The following DBN1 variants were observed in gnomAD, a reference collection of about 807,000 sequenced individuals.
The protein encoded by DBN1 is drebrin 1, also known as drebrin.
A neutral mutation model predicts 83.5 loss-of-function variants in DBN1; 21 were observed. The ratio of observed to expected loss-of-function variants is 0.25; its 90% CI spans 0.18 to 0.36. DBN1 has a LOEUF of 0.36. Ranked by LOEUF, DBN1 falls within the 10% of genes least tolerant of loss-of-function variation. The pLI is 1.00. For synonymous variants in DBN1, 381 were observed against 384.9 expected (o/e 0.99, Z 0.12); for missense variants, 874 against 935.7 (o/e 0.93, Z 0.86).
At chr5:177,471,919 C>G (rs2127404965) in intron 1 of DBN1, among the ~76,000 whole-genome samples, 1 of 152,134 alleles carries the variant, frequency 6.6e-6, no homozygotes, top group South Asian at 2.1e-4. Context: ...CCCCTCCAGG[C>G]TGGAGGGCAA....
At position 177,467,493 on chromosome 5, in the gene DBN1, G is replaced by T; in HGVS notation, c.465C>A (p.Asn155Lys). The change falls in exon 5 of 15, where the codon AAC becomes AAA. Residue 155 changes from asparagine to lysine, a missense_variant. By Grantham distance (94) the Asn-to-Lys change is moderately conservative (BLOSUM62 0). Coordinates refer to ENST00000393565, the MANE Select transcript of DBN1 (RefSeq NM_001363541.2). The surrounding 1 kb of genome is among the most constrained non-coding windows in gnomAD (Gnocchi z 9.1). The part of the protein sequence containing the change: ...LHRLRLREDE[N>K]AEPVGTTYQK... Reference sequence around the variant, plus strand: ...AACACACACTAACCACGGGCTCTGCGTTCTCATCCTCTCGCAGCCGCAGTC... The same window carrying T: ...AACACACACTAACCACGGGCTCTGCTTTCTCATCCTCTCGCAGCCGCAGTC... The T allele has an allele frequency of 1.9e-6, 3 of 1,590,174 alleles. No homozygotes were observed. The highest frequency in any genetic ancestry group is 2.2e-5 in the South Asian group (2 of 89,374).
At position 177,459,271 on chromosome 5, in the gene DBN1, G is replaced by A; in HGVS notation, c.1094-3C>T. 6.2e-7 allele frequency: 1 copy of A among 1,605,098 alleles called. No homozygotes were observed. The highest frequency in any genetic ancestry group is 8.5e-7 in the Non-Finnish European group (1 of 1,179,022). On this transcript the variant is annotated splice_region_variant and splice_polypyrimidine_tract_variant and intron_variant, in intron 11 of 14. Coordinates refer to ENST00000393565, the MANE Select transcript of DBN1 (RefSeq NM_001363541.2). ...CCGGTGGCTGTCCAGGTGGCTGCCT[G>A]TGGAACAAACCCCAGGTGGGTCAGT... is the stretch of plus-strand genomic sequence containing the variant.
At chr5:177,472,241 A>T in intron 1 of DBN1, 1 of 1,613,062 alleles carries the variant, frequency 6.2e-7, no homozygotes. Context: ...CCCCCAGGTC[A>T]GAGTCCCCAC....
rs1190156220 is a variant in DBN1, at chr5:177,466,030, G to A, written c.771+742C>T. Among the ~76,000 whole-genome samples the A allele has an allele frequency of 6.6e-6, 1 of 152,140 alleles. No individual in the cohort carries two copies. The highest frequency in any genetic ancestry group is 2.4e-5 in the African/African-American group (1 of 41,422). On this transcript the variant is annotated intron_variant, in intron 8 of 14. Transcript: ENST00000393565. The surrounding 1 kb of genome is among the most constrained non-coding windows in gnomAD (Gnocchi z 4.8). ...CCATCCAAGGGCAGATGTGACTGGA[G>A]TGACTTAATGCTGCTGCCTGCAGGA... is the stretch of plus-strand genomic sequence containing the variant.
At chr5:177,472,717 C>A (rs1046151841) in intron 1 of DBN1, 127 of 879,136 alleles carry the variant, frequency 1.4e-4, no homozygotes, top group Non-Finnish European at 1.7e-4. Flanking sequence ...CAGCTCGGTG[C>A]CCCCCAGCCC....
rs1243981634 is a variant in DBN1 at position 177,459,255 on chromosome 5, G to T, written c.1107C>A (p.Asp369Glu). ...LSSSLPCSHLDSHRRMAPTPI... is the reference protein window; with the variant it reads ...LSSSLPCSHLESHRRMAPTPI... Reference sequence around the variant, plus strand: ...GAGTGGGCGCCATCCTCCGGTGGCTGTCCAGGTGGCTGCCTGTGGAACAAA... The same window carrying T: ...GAGTGGGCGCCATCCTCCGGTGGCTTTCCAGGTGGCTGCCTGTGGAACAAA... The change falls in exon 12 of 15, where the codon GAC becomes GAA. Residue 369 changes from aspartate (D) to glutamate (E), a missense_variant. By Grantham distance (45) the Asp-to-Glu change is conservative. Coordinates refer to ENST00000393565, the MANE Select transcript of DBN1 (RefSeq NM_001363541.2). 1.2e-6 allele frequency: 2 copies of T among 1,607,722 alleles called. No homozygotes were observed. Among genetic ancestry groups the T allele is most frequent in the Non-Finnish European group, 8.5e-7 (1 of 1,179,054 alleles).
rs779769714 is a variant in DBN1 at position 177,458,669 on chromosome 5, T to G, written c.1303A>C (p.Thr435Pro). ...EPSPILDSEETRAAAPQAWAG... is the reference protein window; with the variant it reads ...EPSPILDSEEPRAAAPQAWAG... ...CAGGCCTGAGGGGCTGCTGCTCTGG[T>G]CTCCTCACTGTCTAGGATGGGGCTG... The change falls in exon 13 of 15, where the codon ACC becomes CCC. Residue 435 changes from threonine to proline, a missense_variant. By Grantham distance (38) the Thr-to-Pro change is conservative (BLOSUM62 -1). Transcript: ENST00000393565. 9 of 1,569,288 alleles carry G rather than the reference T, an allele frequency of 5.7e-6. No homozygotes were observed. The African/African-American group carries it at 1.1e-4, about 19-fold the overall frequency.
rs1196138680 is a variant in DBN1, at chr5:177,456,783, T to A, written c.*650A>T. The A allele has an allele frequency of 7.0e-6, 1 of 142,314 alleles. No homozygotes were observed. Among genetic ancestry groups the A allele is most frequent in the Non-Finnish European group, 1.5e-5 (1 of 66,422 alleles). 8.8% of individuals were successfully genotyped at this position (142,314 alleles called of 1,614,324 possible). A position where few individuals can be genotyped will look rare whatever the true frequency, so the allele number is the denominator to read the frequency against. On this transcript the variant is annotated 3_prime_UTR_variant, in exon 15 of 15. Coordinates refer to ENST00000393565, the MANE Select transcript of DBN1 (RefSeq NM_001363541.2). ...CACCAAAGCCCCTGGGCCCCATCCA[T>A]AGCCCTGACCTGAACCGCGCCTAGG...
Position 177,459,402 on chromosome 5 carries a change from G to A in DBN1, c.1094-134C>T, listed in dbSNP as rs1319745824. 11 of 1,441,950 alleles carry A rather than the reference G, an allele frequency of 7.6e-6. No individual in the cohort carries two copies. The East Asian group carries it at 2.8e-4, about 37-fold the overall frequency. 89.3% of individuals were successfully genotyped at this position (1,441,950 alleles called of 1,614,324 possible). The stretch of plus-strand genomic sequence containing the variant: ...CTGGGAGCTCTCCAGCCCCACCAGG[G>A]GCCAGACTACAGCTCCAGACCCTGT... On this transcript the variant is annotated intron_variant, in intron 11 of 14. Transcript: ENST00000393565.
In DBN1 at chr5:177,467,572, A is replaced by G; in HGVS notation, c.386T>C (p.Ile129Thr). 6.4e-7 allele frequency: 1 copy of G among 1,566,872 alleles called. No homozygotes were observed. Among genetic ancestry groups the G allele is most frequent in the Non-Finnish European group, 8.7e-7 (1 of 1,155,870 alleles). The stretch of plus-strand genomic sequence containing the variant: ...CAGCCCGTTAGAGAGCCGCTGCCCG[A>G]TGGCACCCGCGTCTATGTCTTCCAC... ...SSVEDIDAGA[I>T]GQRLSNGLAR... The change falls in exon 5 of 15, where the codon ATC becomes ACC. Residue 129 changes from isoleucine (I) to threonine (T), a missense_variant. Ile to Thr is a moderately conservative substitution (Grantham distance 89). Coordinates refer to ENST00000393565, the MANE Select transcript of DBN1 (RefSeq NM_001363541.2). This position sits in a 1 kb window ranked among gnomAD's most constrained non-coding sequence, Gnocchi z 9.1.
intron 1 of DBN1, among the ~76,000 whole-genome samples, chr5:177,471,732 G>C (rs1368036826): frequency 6.6e-6 from 1 of 152,202 alleles, no homozygotes; most frequent in Non-Finnish European, 1.5e-5. Context: ...ACACAACCCA[G>C]ATGGGGGCTG....
At chr5:177,472,456 C>A (rs924070816) in intron 1 of DBN1, 12 of 1,308,720 alleles carry the variant, frequency 9.2e-6, no homozygotes, top group Middle Eastern at 2.8e-4. Flanking sequence ...GTGAGGAACC[C>A]CTCGGTTTCC....
Position 177,457,310 on chromosome 5 carries a change from G to A in DBN1, c.*123C>T, listed in dbSNP as rs889386628. ...AGGGAAGCGGCCAAGTCCCCAGCCAGGGCCGGAATCCGGAGTGGGTGCCAG... is the reference window on the plus strand; with the variant it reads ...AGGGAAGCGGCCAAGTCCCCAGCCAAGGCCGGAATCCGGAGTGGGTGCCAG... On this transcript the variant is annotated 3_prime_UTR_variant, in exon 15 of 15. Transcript: ENST00000393565. 1 of 803,786 alleles carries A rather than the reference G, an allele frequency of 1.2e-6. No homozygotes were observed. Among genetic ancestry groups the A allele is most frequent in the Admixed American group, 1.9e-5 (1 of 52,750 alleles). The allele number at this position is 803,786 out of a possible 1,614,324, so 49.8% of individuals were successfully genotyped here.
intron 8 of DBN1, among the ~76,000 whole-genome samples, chr5:177,465,343 C>T (rs948988045): frequency 8.5e-5 from 13 of 152,200 alleles, no homozygotes; most frequent in East Asian, 1.9e-4. Flanking sequence ...GGACAAACAC[C>T]GTGCGATTCC....
In DBN1 at chr5:177,467,713, C is replaced by A. The variant is rs949210201; in HGVS notation, c.330+30G>T. On this transcript the variant is annotated intron_variant, in intron 4 of 14. Transcript: ENST00000393565. The surrounding 1 kb of genome is among the most constrained non-coding windows in gnomAD (Gnocchi z 9.1). ...ACGCAGACCCTGGTGGCTGTCCCCA[C>A]CCCCAAGAGCGCTGGCCCCTGACAC... The A allele has an allele frequency of 1.4e-5, 22 of 1,552,222 alleles. No homozygotes were observed. The highest frequency in any genetic ancestry group is 1.9e-5 in the Non-Finnish European group (22 of 1,147,736).
intron 1 of DBN1, among the ~76,000 whole-genome samples, chr5:177,472,577 C>G (rs1360817381): frequency 6.6e-6 from 1 of 152,108 alleles, no homozygotes; most frequent in Non-Finnish European, 1.5e-5. Context: ...CAGCTCCTCC[C>G]CCATCAGGGA....
rs1756755568 is a variant in DBN1 at position 177,458,624 on chromosome 5, G to T, written c.1348C>A (p.Pro450Thr). Residue 450 changes from proline to threonine, a missense_variant, in exon 13 of 15, where the codon CCC becomes ACC. Coordinates refer to ENST00000393565, the MANE Select transcript of DBN1 (RefSeq NM_001363541.2). The part of the protein sequence containing the change: ...PQAWAGPMEE[P>T]PQAQAPPRGP... ...CGGGGAGGCGCCTGTGCCTGAGGGGGCTCCTCCATGGGGCCGGCCCAGGCC... is the reference window on the plus strand; with the variant it reads ...CGGGGAGGCGCCTGTGCCTGAGGGGTCTCCTCCATGGGGCCGGCCCAGGCC... 1.2e-6 allele frequency: 2 copies of T among 1,608,490 alleles called. No individual in the cohort carries two copies. The highest frequency in any genetic ancestry group is 1.7e-6 in the Non-Finnish European group (2 of 1,177,040).
chr5:177,460,136 T>G (rs1034032897), intron 10 of DBN1, among the ~76,000 whole-genome samples: 1 of 152,210 alleles, frequency 6.6e-6, no homozygotes, highest in African/African-American at 2.4e-5. Context: ...AGGCCAGACC[T>G]AATTCACCCC....
At position 177,466,355 on chromosome 5, in the gene DBN1, A is replaced by T. The variant is rs1561684936; in HGVS notation, c.771+417T>A. Among the ~76,000 whole-genome samples the T allele has an allele frequency of 1.3e-5, 2 of 152,156 alleles. No individual in the cohort carries two copies. The highest frequency in any genetic ancestry group is 2.4e-5 in the African/African-American group (1 of 41,424). On this transcript the variant is annotated intron_variant, in intron 8 of 14. Transcript: ENST00000393565. This position sits in a 1 kb window ranked among gnomAD's most constrained non-coding sequence, Gnocchi z 4.8. Reference sequence around the variant, plus strand: ...GAACAAAGGGGCTGCTCCCAGGGAGATGCTGCTCCCAAGGAGATGGTACAC... The same window carrying T: ...GAACAAAGGGGCTGCTCCCAGGGAGTTGCTGCTCCCAAGGAGATGGTACAC...
Sources: allele counts gnomAD v4.1 joint callset (sites outside exome capture counted in the v4.1 genomes callset), GRCh38; gene constraint gnomAD v4.1.1; non-coding constraint Gnocchi (gnomAD v3.1); transcripts MANE v1.5; gene names NCBI Gene and HGNC (gene_info 2026-07-23, HGNC 2026-07-21).